TENM4: variants seen among roughly 807,000 people sequenced by gnomAD.
TENM4 encodes the protein teneurin-4.
In TENM4, 82 loss-of-function variants were observed where a neutral mutation model predicts 243.3. That is an observed-to-expected ratio of 0.34 (90% confidence interval 0.28 to 0.40). The LOEUF is 0.40. TENM4 is among the 10% of genes least tolerant of loss of function. The pLI, the probability that TENM4 is intolerant of heterozygous loss-of-function variation, is 1.00. For synonymous variants in TENM4, 1,412 were observed against 1,456.3 expected (o/e 0.97, Z 0.69); for missense variants, 3,138 against 3,673.3 (o/e 0.85, Z 3.77).
chr11:79,234,940 C>G (rs1471638627), intron 2 of TENM4, among the ~76,000 whole-genome samples: 1 of 152,096 alleles, frequency 6.6e-6, no homozygotes, highest in Admixed American at 6.5e-5. Flanking sequence ...TTCCAGAAAC[C>G]AAATATCTGG....
chr11:79,422,306 A>T (rs1858951816), intron 1 of TENM4: 1 of 151,068 alleles, frequency 6.6e-6, no homozygotes, highest in African/African-American at 2.4e-5. Flanking sequence ...GAGCAGCAGC[A>T]GTCCAGCTCA....
intron 1 of TENM4, among the ~76,000 whole-genome samples, chr11:79,398,936 C>T (rs1858402746): frequency 6.6e-6 from 1 of 151,850 alleles, no homozygotes; most frequent in Non-Finnish European, 1.5e-5. Flanking sequence ...TAAGTGGACA[C>T]AGTGAATGCA....
intron 2 of TENM4, among the ~76,000 whole-genome samples, chr11:79,292,985 G>C (rs78762070): frequency 2.1e-3 from 315 of 152,272 alleles, no homozygotes; most frequent in African/African-American, 7.1e-3. Context: ...CCCAGTTTCT[G>C]CCCTCAGAAA....
chr11:78,836,606 C>T (rs533943343), intron 12 of TENM4, among the ~76,000 whole-genome samples: 3 of 152,230 alleles, frequency 2.0e-5, no homozygotes, highest in Non-Finnish European at 4.4e-5. Context: ...TTTGGGGATG[C>T]GGATGTAGGA....
intron 12 of TENM4, among the ~76,000 whole-genome samples, chr11:78,818,192 C>G (rs976863520): frequency 2.6e-5 from 4 of 152,144 alleles, no homozygotes; most frequent in Non-Finnish European, 2.9e-5. Context: ...TTCTCAAACC[C>G]AATGGTATAA....
intron 4 of TENM4, among the ~76,000 whole-genome samples, chr11:79,130,394 G>A (rs538234238): frequency 6.6e-6 from 1 of 151,922 alleles, no homozygotes; most frequent in East Asian, 1.9e-4. Context: ...AGAAATCCCT[G>A]ATGTACCTGA....
At chr11:78,827,383 C>G (rs1857877657) in intron 12 of TENM4, among the ~76,000 whole-genome samples, 1 of 152,256 alleles carries the variant, frequency 6.6e-6, no homozygotes. Context: ...TTTCAGCCTC[C>G]CTGACTGAGC....
At chr11:78,710,014 G>A (rs1224952364) in intron 26 of TENM4, among the ~76,000 whole-genome samples, 1 of 152,198 alleles carries the variant, frequency 6.6e-6, no homozygotes, top group Non-Finnish European at 1.5e-5. Context: ...CATGTGAGCA[G>A]CACAAGAAAG....
intron 3 of TENM4, among the ~76,000 whole-genome samples, chr11:79,209,479 C>A (rs1410422061): frequency 6.6e-6 from 1 of 152,186 alleles, no homozygotes; most frequent in Non-Finnish European, 1.5e-5. Context: ...ATCTTAGGTT[C>A]ACTGCTCCTT....
intron 4 of TENM4, among the ~76,000 whole-genome samples, chr11:79,108,097 T>C (rs1467086164): frequency 6.6e-6 from 1 of 152,180 alleles, no homozygotes; most frequent in African/African-American, 2.4e-5. Flanking sequence ...AAAAGGAAAA[T>C]GATAATGGGA....
chr11:78,733,786 A>G (rs1417466288), intron 20 of TENM4, among the ~76,000 whole-genome samples: 1 of 152,184 alleles, frequency 6.6e-6, no homozygotes, highest in Non-Finnish European at 1.5e-5. Flanking sequence ...ATAATGGGAA[A>G]AGAGGGCCAC....
chr11:79,335,100 T>A (rs1857125785), intron 1 of TENM4, among the ~76,000 whole-genome samples: 1 of 152,364 alleles, frequency 6.6e-6, no homozygotes, highest in South Asian at 2.1e-4. Flanking sequence ...TCACAGGGTT[T>A]GTTACAATCC....
At position 78,656,875 on chromosome 11, in the gene TENM4, A is replaced by G. The variant is rs1857908622; in HGVS notation, c.*1183T>C. On this transcript the variant is annotated 3_prime_UTR_variant, in exon 34 of 34. Transcript: ENST00000278550. ...CATGGAGGCAGATGGGACTTTGGGA[A>G]CTGGTTAGAAGGATGCTTAGCTTAT... 1 of 396,282 alleles carries G rather than the reference A, an allele frequency of 2.5e-6. No homozygotes were observed. The highest frequency in any genetic ancestry group is 4.4e-6 in the Non-Finnish European group (1 of 225,224). 24.5% of individuals were successfully genotyped at this position (396,282 alleles called of 1,614,324 possible). A position where few individuals can be genotyped will look rare whatever the true frequency, so the allele number is the denominator to read the frequency against.
intron 17 of TENM4, among the ~76,000 whole-genome samples, chr11:78,772,102 T>A (rs1272676736): frequency 6.6e-6 from 1 of 152,218 alleles, no homozygotes; most frequent in African/African-American, 2.4e-5. Context: ...GGGCTGTAGA[T>A]GATTTGATCA....
At chr11:79,372,299 C>T (rs1857803599) in intron 1 of TENM4, among the ~76,000 whole-genome samples, 1 of 152,154 alleles carries the variant, frequency 6.6e-6, no homozygotes, top group Non-Finnish European at 1.5e-5. Context: ...GATGGCAGAA[C>T]CATTTTCTTT....
intron 27 of TENM4, among the ~76,000 whole-genome samples, chr11:78,705,490 G>A (rs1262678552): frequency 6.6e-6 from 1 of 152,188 alleles, no homozygotes; most frequent in Non-Finnish European, 1.5e-5. Context: ...CCCTATTAGC[G>A]ATGATCGTGC....
intron 1 of TENM4, among the ~76,000 whole-genome samples, chr11:79,378,480 C>T (rs1030829123): frequency 1.3e-5 from 2 of 152,210 alleles, no homozygotes; most frequent in African/African-American, 4.8e-5. Flanking sequence ...TAATCTAGGT[C>T]TTTCTTCTGG....
intron 4 of TENM4, among the ~76,000 whole-genome samples, chr11:79,081,145 G>T (rs12365178): frequency 0.02 from 3,095 of 152,326 alleles, 49 homozygotes; most frequent in Non-Finnish European, 0.034. Flanking sequence ...GGAAGTTCTT[G>T]GTTGAACACA....
chr11:78,879,151 G>A (rs909027527), intron 9 of TENM4, among the ~76,000 whole-genome samples: 7 of 149,478 alleles, frequency 4.7e-5, no homozygotes, highest in African/African-American at 9.9e-5. Flanking sequence ...ACCTCTGCCC[G>A]GCCACCCCGT....
Sources: allele counts gnomAD v4.1 joint callset (sites outside exome capture counted in the v4.1 genomes callset), GRCh38; gene constraint gnomAD v4.1.1; transcripts MANE v1.5; gene names NCBI Gene and HGNC (gene_info 2026-07-23, HGNC 2026-07-21).